Variants in GPC5 observed in about 807,000 individuals in gnomAD.
GPC5 encodes glypican 5, also known as glypican-5.
Under a neutral mutation model 53.9 loss-of-function variants are expected in GPC5, and 47 were observed. The ratio of observed to expected loss-of-function variants is 0.87; its 90% CI spans 0.69 to 1.11. GPC5 has a LOEUF of 1.11. Ranked by LOEUF, GPC5 falls within the 50% of genes most tolerant of loss-of-function variation. The pLI, the probability that GPC5 is intolerant of heterozygous loss-of-function variation, is 0.00. For synonymous variants in GPC5, 286 were observed against 263.3 expected (o/e 1.09, Z -0.84); for missense variants, 748 against 713.1 (o/e 1.05, Z -0.56).
In GPC5 at chr13:92,655,963, G is replaced by A. The variant is rs370048471; in HGVS notation, c.1562-210319G>A. ...TAGCAAACACTGTATTAGGTTCTGGGAATACAACCTTGAATAAGACAATTT... is the reference window on the plus strand; with the variant it reads ...TAGCAAACACTGTATTAGGTTCTGGAAATACAACCTTGAATAAGACAATTT... On this transcript the variant is annotated intron_variant, in intron 7 of 7. Coordinates refer to ENST00000377067, the MANE Select transcript of GPC5 (RefSeq NM_004466.6). 5.9e-5 allele frequency among the ~76,000 whole-genome samples: 9 copies of A among 152,108 alleles called. No individual in the cohort carries two copies. In the East Asian group the frequency reaches 1.4e-3, roughly 23 times the overall value.
At chr13:92,590,678 C>T (rs1463382936) in intron 7 of GPC5, among the ~76,000 whole-genome samples, 1 of 152,214 alleles carries the variant, frequency 6.6e-6, no homozygotes, top group Admixed American at 6.5e-5. Context: ...AAGATCTCAG[C>T]CCACGTTGTT....
chr13:91,946,706 T>A (rs575418462), intron 6 of GPC5, among the ~76,000 whole-genome samples: 1 of 152,242 alleles, frequency 6.6e-6, no homozygotes, highest in Non-Finnish European at 1.5e-5. Flanking sequence ...AGTCTGCTCA[T>A]CCCACCTTCT....
At chr13:92,275,747 G>A (rs1345333386) in intron 7 of GPC5, among the ~76,000 whole-genome samples, 1 of 151,916 alleles carries the variant, frequency 6.6e-6, no homozygotes, top group Non-Finnish European at 1.5e-5. Flanking sequence ...GTATTTCTGG[G>A]GCATGTATCC....
In GPC5 at chr13:92,653,289, A is replaced by G. The variant is rs376219897; in HGVS notation, c.1562-212993A>G. Among the ~76,000 whole-genome samples the G allele has an allele frequency of 6.8e-4, 103 of 152,210 alleles. No homozygotes were observed. In the South Asian group the frequency reaches 0.021, roughly 31 times the overall value. ...GGTTGATGGCTGCTTTGGGGAAGGA[A>G]GTGGAAGGGATGCATTCGTTTCTAG... On this transcript the variant is annotated intron_variant, in intron 7 of 7. Transcript: ENST00000377067.
At chr13:92,441,879 G>A (rs77903825) in intron 7 of GPC5, among the ~76,000 whole-genome samples, 52 of 152,214 alleles carry the variant, frequency 3.4e-4, no homozygotes, top group East Asian at 1.9e-3. Flanking sequence ...AATAGCCAAA[G>A]CAATCCTAAC....
chr13:92,515,818 G>A (rs1052893698), intron 7 of GPC5, among the ~76,000 whole-genome samples: 3 of 151,958 alleles, frequency 2.0e-5, no homozygotes, highest in African/African-American at 4.8e-5. Context: ...AAACCCAGAA[G>A]ACTAAATTAA....
At chr13:92,119,887 A>G (rs2041634636) in intron 6 of GPC5, among the ~76,000 whole-genome samples, 1 of 152,084 alleles carries the variant, frequency 6.6e-6, no homozygotes, top group South Asian at 2.1e-4. Context: ...AAGAGCGCTC[A>G]ATAGAAAGAA....
At chr13:91,830,778 AATAT>A (rs1036653916) in intron 5 of GPC5, among the ~76,000 whole-genome samples, 1 of 123,300 alleles carries the variant, frequency 8.1e-6, no homozygotes, top group South Asian at 3.4e-4. Flanking sequence ...TTATATATAA[AATAT>A]ATATATACTA....
intron 6 of GPC5, among the ~76,000 whole-genome samples, chr13:91,927,542 A>T (rs2039780799): frequency 6.6e-6 from 1 of 152,200 alleles, no homozygotes. Context: ...GAATATTTGC[A>T]GTCTATGGCA....
At chr13:92,494,708 G>A (rs1407111559) in intron 7 of GPC5, among the ~76,000 whole-genome samples, 1 of 152,084 alleles carries the variant, frequency 6.6e-6, no homozygotes, top group African/African-American at 2.4e-5. Flanking sequence ...GGGAATGCCT[G>A]TATGCCTCTG....
At chr13:91,965,198 G>C (rs1219281608) in intron 6 of GPC5, among the ~76,000 whole-genome samples, 3 of 151,972 alleles carry the variant, frequency 2.0e-5, no homozygotes, top group African/African-American at 7.2e-5. Flanking sequence ...AAACGTGCAC[G>C]TTGTACACAT....
chr13:91,786,539 TA>T, intron 5 of GPC5, among the ~76,000 whole-genome samples: 1 of 152,274 alleles, frequency 6.6e-6, no homozygotes, highest in East Asian at 1.9e-4. Context: ...GTTACGTGTT[TA>T]AAAAAACATT....
At chr13:91,709,737 T>C (rs1359043354) in intron 3 of GPC5, among the ~76,000 whole-genome samples, 1 of 152,242 alleles carries the variant, frequency 6.6e-6, no homozygotes, top group Non-Finnish European at 1.5e-5. Flanking sequence ...AGACTGTTGG[T>C]TGTGCTTACC....
intron 7 of GPC5, among the ~76,000 whole-genome samples, chr13:92,790,828 C>G (rs1392400861): frequency 6.6e-6 from 1 of 151,908 alleles, no homozygotes; most frequent in Admixed American, 6.6e-5. Context: ...TTGATTCTCC[C>G]TATGTGGTAA....
chr13:92,854,095 A>T (rs1048083291), intron 7 of GPC5, among the ~76,000 whole-genome samples: 4 of 151,592 alleles, frequency 2.6e-5, no homozygotes, highest in Non-Finnish European at 5.9e-5. Flanking sequence ...AATAGTTAAT[A>T]TTTCCTTTTT....
At chr13:91,521,434 A>G (rs1476710389) in intron 2 of GPC5, among the ~76,000 whole-genome samples, 2 of 152,162 alleles carry the variant, frequency 1.3e-5, no homozygotes, top group Non-Finnish European at 2.9e-5. Flanking sequence ...ATCTTAGTTA[A>G]ATTCAAGAGG....
At chr13:91,781,874 G>T (rs2037803868) in intron 5 of GPC5, among the ~76,000 whole-genome samples, 1 of 152,066 alleles carries the variant, frequency 6.6e-6, no homozygotes, top group Non-Finnish European at 1.5e-5. Flanking sequence ...TCAAATGAAG[G>T]TTCCATCAAA....
intron 7 of GPC5, among the ~76,000 whole-genome samples, chr13:92,467,800 A>C (rs768567376): frequency 1.8e-4 from 28 of 152,104 alleles, no homozygotes; most frequent in Non-Finnish European, 4.1e-4. Flanking sequence ...CCCTCCCCGA[A>C]AAAACATTAT....
At chr13:91,946,466 G>A (rs1312332181) in intron 6 of GPC5, among the ~76,000 whole-genome samples, 1 of 151,520 alleles carries the variant, frequency 6.6e-6, no homozygotes, top group African/African-American at 2.4e-5. Context: ...TATATAAAAC[G>A]CAATTTCAAA....
Sources: allele counts gnomAD v4.1 joint callset (sites outside exome capture counted in the v4.1 genomes callset), GRCh38; gene constraint gnomAD v4.1.1; transcripts MANE v1.5; gene names NCBI Gene and HGNC (gene_info 2026-07-23, HGNC 2026-07-21).